Variants in GC observed in about 807,000 individuals in gnomAD.
GC encodes vitamin D-binding protein.
In GC, 43 loss-of-function variants were observed where a neutral mutation model predicts 56.7. The observed-to-expected ratio is 0.76, with a 90% CI of 0.59 to 0.98. The LOEUF is 0.98. Ranked by LOEUF, GC falls within the 50% of genes least tolerant of loss-of-function variation. GC has a pLI of 0.00. For synonymous variants in GC, 216 were observed against 202.7 expected (o/e 1.07, Z -0.56); for missense variants, 529 against 545.9 (o/e 0.97, Z 0.31).
At chr4:71,754,683 C>T (rs917292793) in intron 9 of GC, among the ~76,000 whole-genome samples, 175 bp from the exon 10 acceptor site, 2 of 152,158 alleles carry the variant, frequency 1.3e-5, no homozygotes, top group Admixed American at 1.3e-4. Context: ...GTTGCAACTA[C>T]TCAACTCTGT....
At chr4:71,782,943 CTTACTTAAGAA>C (rs1374174778) in intron 1 of GC, among the ~76,000 whole-genome samples, 1 of 151,750 alleles carries the variant, frequency 6.6e-6, no homozygotes, top group Non-Finnish European at 1.5e-5. Context: ...GGACGCATAG[CTTACTTAAGAA>C]TTGATGGGTA....
chr4:71,774,642 A>G (rs1182965068), intron 1 of GC, among the ~76,000 whole-genome samples: 1 of 152,016 alleles, frequency 6.6e-6, no homozygotes, highest in African/African-American at 2.4e-5. Context: ...TATCATGATA[A>G]CAATTAAAAT....
chr4:71,759,119 C>G lies in GC; in HGVS notation c.702-948G>C, dbSNP rs578132027. Among the ~76,000 whole-genome samples, 6 of 151,120 alleles carry G rather than the reference C, an allele frequency of 4.0e-5. No homozygotes were observed. In the East Asian group the frequency reaches 9.7e-4, roughly 24 times the overall value. On this transcript the variant is annotated intron_variant, in intron 6 of 12. Transcript: ENST00000273951. ...TCCTTGTAGCACGTGACAGGATTTT[C>G]TTTTTTTTTCAGGCTACATAATATT...
At chr4:71,758,308 CA>C (rs1741852986) in intron 6 of GC, 137 bp from the exon 7 acceptor site, 6 of 684,602 alleles carry the variant, frequency 8.8e-6, no homozygotes, top group Non-Finnish European at 1.5e-5. Flanking sequence ...GCACATCTGC[CA>C]TGCGATAGAT....
intron 1 of GC, among the ~76,000 whole-genome samples, chr4:71,798,364 ATT>A (rs1287132688): frequency 1.3e-5 from 2 of 152,096 alleles, no homozygotes; most frequent in Admixed American, 6.5e-5. Flanking sequence ...TATGAGTGAC[ATT>A]TTTTTGTTTG....
chr4:71,768,403 G>T lies in GC; in HGVS notation c.159C>A (p.Pro53=). 1 of 1,613,356 alleles carries T rather than the reference G, an allele frequency of 6.2e-7. No individual in the cohort carries two copies. Among genetic ancestry groups the T allele is most frequent in the Non-Finnish European group, 8.5e-7 (1 of 1,179,536 alleles). Residue 53 remains proline, a synonymous_variant, in exon 3 of 13, where the codon CCC becomes CCA. Coordinates refer to ENST00000273951, the MANE Select transcript of GC (RefSeq NM_000583.4). ...GGCTGACCTGTTCAAACGTGCCACT[G>T]GGAAATTTTCTACTGTACAGGACTA... ...LSLVLYSRKF[P]SGTFEQVSQL...
rs986381592 is a variant in GC, at chr4:71,755,052, C to A, written c.1090G>T (p.Val364Leu). ...THLPEVFLSK[V>L]LEPTLKSLGE... is the part of the protein sequence containing the mutation. ...AGGCTTTTTAGGGTTGGCTCAAGTA[C>A]CTTACTGAGGAATACTTCCGGAAGA... is the stretch of plus-strand genomic sequence containing the variant. Residue 364 changes from valine (V) to leucine (L), a missense_variant, in exon 9 of 13, where the codon GTA becomes TTA. Coordinates refer to ENST00000273951, the MANE Select transcript of GC (RefSeq NM_000583.4). The A allele has an allele frequency of 3.1e-6, 5 of 1,595,404 alleles. No individual in the cohort carries two copies. In the South Asian group the frequency reaches 4.5e-5, roughly 14 times the overall value.
intron 11 of GC, among the ~76,000 whole-genome samples, chr4:71,747,625 T>C (rs1741416609): frequency 1.3e-5 from 2 of 152,164 alleles, no homozygotes; most frequent in Admixed American, 6.5e-5. Context: ...GACAGTCATA[T>C]GGTACCATCA....
intron 1 of GC, among the ~76,000 whole-genome samples, chr4:71,777,948 T>C (rs975886701): frequency 4.0e-5 from 6 of 151,644 alleles, no homozygotes; most frequent in Non-Finnish European, 5.9e-5. Context: ...GGTGGGTTGA[T>C]GGGTGCAGCA....
At position 71,768,289 on chromosome 4, in the gene GC, A is replaced by T; in HGVS notation, c.261+12T>A. ...TGGGCTGCCACAGAGACGGCCAGCC[A>T]CAGAAACCTACCCTGGTGTCATAGC... On this transcript the variant is annotated intron_variant, in intron 3 of 12. Coordinates refer to ENST00000273951, the MANE Select transcript of GC (RefSeq NM_000583.4). The T allele has an allele frequency of 6.3e-7, 1 of 1,579,536 alleles. No homozygotes were observed. The highest frequency in any genetic ancestry group is 8.6e-7 in the Non-Finnish European group (1 of 1,160,324).
Position 71,754,446 on chromosome 4 carries a change from AT to A in GC, c.1226del (p.Asp409ValfsTer18). 6.3e-7 allele frequency: 1 copy of A among 1,587,812 alleles called. No individual in the cohort carries two copies. The highest frequency in any genetic ancestry group is 1.7e-5 in the Admixed American group (1 of 59,630). On this transcript the variant is annotated frameshift_variant, in exon 10 of 13. Transcript: ENST00000273951. LOFTEE classifies it high-confidence loss of function. Reference sequence around the variant, plus strand: ...ACTCAGTAAATGTATTTTCTGAATAATCTGCACATAGTTCTTGTCCCTTGTC... The same window carrying A: ...ACTCAGTAAATGTATTTTCTGAATAACTGCACATAGTTCTTGTCCCTTGTC... ...FIDKGQELCA[D>X]YSENTFTEYK...
chr4:71,790,227 T>A (rs548507263), intron 1 of GC, among the ~76,000 whole-genome samples: 1 of 152,146 alleles, frequency 6.6e-6, no homozygotes, highest in South Asian at 2.1e-4. Flanking sequence ...TGTTCTTATT[T>A]AGTAGTTTTG....
intron 1 of GC, among the ~76,000 whole-genome samples, chr4:71,783,367 C>T (rs1027811779): frequency 1.3e-5 from 2 of 151,740 alleles, no homozygotes; most frequent in Non-Finnish European, 2.9e-5. Context: ...GATGAACACA[C>T]CATCTGAAGA....
At chr4:71,751,206 C>T (rs973335130) in intron 11 of GC, among the ~76,000 whole-genome samples, 4 of 152,110 alleles carry the variant, frequency 2.6e-5, no homozygotes, top group South Asian at 2.1e-4. Context: ...GCAAAATACA[C>T]CCCTCACCGT....
intron 9 of GC, 22 bp from the exon 10 acceptor site, chr4:71,754,530 A>G (rs1440003205): frequency 1.7e-6 from 2 of 1,193,604 alleles, no homozygotes; most frequent in East Asian, 4.7e-5. Flanking sequence ...CAATAATTGC[A>G]TAACAAAATT....
intron 1 of GC, among the ~76,000 whole-genome samples, chr4:71,771,581 A>T (rs1030210807): frequency 5.3e-5 from 8 of 152,166 alleles, no homozygotes; most frequent in Admixed American, 2.0e-4. Context: ...AATAACCCAC[A>T]TACCTGAATC....
At position 71,768,844 on chromosome 4, in the gene GC, T is replaced by C. The variant is rs547757346; in HGVS notation, c.129-411A>G. Reference sequence around the variant, plus strand: ...TGTTTAAATGAAATATTGTACACATTTACTTCTTTATTTGGCTAATGAAAA... The same window carrying C: ...TGTTTAAATGAAATATTGTACACATCTACTTCTTTATTTGGCTAATGAAAA... On this transcript the variant is annotated intron_variant, in intron 2 of 12. Coordinates refer to ENST00000273951, the MANE Select transcript of GC (RefSeq NM_000583.4). 2.6e-5 allele frequency among the ~76,000 whole-genome samples: 4 copies of C among 152,344 alleles called. No individual in the cohort carries two copies. In the East Asian group the frequency reaches 7.7e-4, roughly 29 times the overall value.
chr4:71,748,015 C>T (rs371308062), intron 11 of GC, among the ~76,000 whole-genome samples: 5 of 152,056 alleles, frequency 3.3e-5, no homozygotes, highest in East Asian at 3.9e-4. Flanking sequence ...TTAGGGCTGA[C>T]GTCTATGACA....
At chr4:71,743,028 C>T (rs1364978324) in intron 12 of GC, among the ~76,000 whole-genome samples, 1 of 152,090 alleles carries the variant, frequency 6.6e-6, no homozygotes, top group Non-Finnish European at 1.5e-5. Context: ...AAAGTGCATG[C>T]AAGTGTGGCC....
Sources: gnomAD v4.1 joint callset for allele counts (sites outside exome capture counted in the v4.1 genomes callset) on GRCh38, gnomAD v4.1.1 for gene constraint, MANE v1.5 for transcripts, NCBI Gene and HGNC (gene_info 2026-07-23, HGNC 2026-07-21) for gene names.